LIFR: variants seen among roughly 807,000 people sequenced by gnomAD.
The protein encoded by LIFR is leukemia inhibitory factor receptor.
LIFR carries 84 observed loss-of-function variants against 122.2 expected under a neutral mutation model. The observed-to-expected ratio is 0.69, with a 90% confidence interval of 0.58 to 0.82. LIFR has a LOEUF of 0.82. Ranked by LOEUF, LIFR falls within the 40% of genes least tolerant of loss-of-function variation. The probability of loss-of-function intolerance (pLI) is 0.00; values close to 1 mark genes in which losing one functional copy is unlikely to be tolerated. For synonymous variants in LIFR, 422 were observed against 434.7 expected (o/e 0.97, Z 0.36); for missense variants, 1,294 against 1,311.6 (o/e 0.99, Z 0.21).
intron 8 of LIFR, 133 bp downstream of exon 8, chr5:38,506,370 G>T: frequency 9.5e-7 from 1 of 1,053,218 alleles, no homozygotes; most frequent in Non-Finnish European, 1.5e-6. Flanking sequence ...GCTTATAAGT[G>T]TAATTTTATA....
At chr5:38,571,529 C>CAAAAA (rs11297745) in intron 1 of LIFR, among the ~76,000 whole-genome samples, 3 of 74,694 alleles carry the variant, frequency 4.0e-5, no homozygotes, top group African/African-American at 5.5e-5. Context: ...CATTCCAGCT[C>CAAAAA]AAAAAAAAAA....
At chr5:38,542,706 A>T (rs560087306) in intron 1 of LIFR, among the ~76,000 whole-genome samples, 5 of 152,026 alleles carry the variant, frequency 3.3e-5, no homozygotes, top group Non-Finnish European at 5.9e-5. Flanking sequence ...GTTCCACCAA[A>T]TGTGTAAACA....
chr5:38,495,426 C>T (rs1192899486), intron 13 of LIFR, among the ~76,000 whole-genome samples: 1 of 152,236 alleles, frequency 6.6e-6, no homozygotes, highest in Non-Finnish European at 1.5e-5. Flanking sequence ...GCACCTGCCA[C>T]AACCCCTGTG....
chr5:38,574,613 A>G (rs1322865344), intron 1 of LIFR, among the ~76,000 whole-genome samples: 1 of 152,174 alleles, frequency 6.6e-6, no homozygotes, highest in Non-Finnish European at 1.5e-5. Context: ...CAAGTGACAC[A>G]CCTCAGTTAC....
chr5:38,602,011 T>A (rs921281875), intron 2 of LIFR, among the ~76,000 whole-genome samples: 16 of 152,226 alleles, frequency 1.1e-4, no homozygotes, highest in Non-Finnish European at 1.9e-4. Flanking sequence ...GTGAGTCAAT[T>A]TGCCTCTTAA....
intron 11 of LIFR, among the ~76,000 whole-genome samples, 187 bp from the exon 12 acceptor site, chr5:38,499,770 C>T (rs1042267855): frequency 6.6e-6 from 1 of 152,120 alleles, no homozygotes; most frequent in Non-Finnish European, 1.5e-5. Flanking sequence ...ACGGCCCCCT[C>T]GAATGGGTGA....
intron 17 of LIFR, chr5:38,485,611 C>T (rs1363332400): frequency 5.0e-6 from 3 of 605,742 alleles, no homozygotes; most frequent in Non-Finnish European, 8.8e-6. Context: ...TTCTTAGGTA[C>T]TCATTTGGAA....
intron 1 of LIFR, among the ~76,000 whole-genome samples, chr5:38,549,314 G>T (rs1748070464): frequency 6.7e-6 from 1 of 149,646 alleles, no homozygotes; most frequent in Non-Finnish European, 1.5e-5. Flanking sequence ...AAGGATCAAC[G>T]TACCCATATG....
chr5:38,575,945 A>T (rs866522293), intron 1 of LIFR, among the ~76,000 whole-genome samples: 1 of 152,124 alleles, frequency 6.6e-6, no homozygotes, highest in Non-Finnish European at 1.5e-5. Context: ...TCTTTCTAGG[A>T]TTTATTCCTG....
chr5:38,551,300 T>C (rs1025955898), intron 1 of LIFR, among the ~76,000 whole-genome samples: 2 of 152,192 alleles, frequency 1.3e-5, no homozygotes, highest in Admixed American at 1.3e-4. Context: ...TAGTGCTTAC[T>C]GTGGCACTCG....
upstream of LIFR, among the ~76,000 whole-genome samples, chr5:38,559,345 C>T (rs1338928881): frequency 6.6e-6 from 1 of 152,172 alleles, no homozygotes; most frequent in Admixed American, 6.5e-5. Flanking sequence ...TTTGACCAGG[C>T]CATAACCCAG....
intron 1 of LIFR, among the ~76,000 whole-genome samples, chr5:38,544,581 C>A (rs911198710): frequency 7.2e-5 from 11 of 152,174 alleles, no homozygotes; most frequent in African/African-American, 9.7e-5. Flanking sequence ...CCTCCCTCCC[C>A]CAAATCCCGC....
chr5:38,476,522 CTTT>C lies in LIFR; in HGVS notation c.*5070_*5072del. ...CAACACATAGGATCTATGTTGTTAG[CTTT>C]TTTTTTTTTAAAGTTCTGATTGGCT... is the stretch of plus-strand genomic sequence containing the variant. On this transcript the variant is annotated 3_prime_UTR_variant, in exon 20 of 20. Transcript: ENST00000453190. 5.3e-6 allele frequency: 1 copy of C among 189,308 alleles called. No individual in the cohort carries two copies. Among genetic ancestry groups the C allele is most frequent in the East Asian group, 8.5e-5 (1 of 11,780 alleles). The allele number at this position is 189,308 out of a possible 1,614,324, so 11.7% of individuals were successfully genotyped here.
In LIFR at chr5:38,480,269, T is replaced by G. The variant is rs1561124850; in HGVS notation, c.*1326A>C. On this transcript the variant is annotated 3_prime_UTR_variant, in exon 20 of 20. Coordinates refer to ENST00000453190, the MANE Select transcript of LIFR (RefSeq NM_001127671.2). ...CAAGATACACTTTTTAGTTTTTCCT[T>G]CTGCTTTTCCAAGAACCACAATCAC... is the stretch of plus-strand genomic sequence containing the variant. The G allele has an allele frequency of 4.4e-6, 1 of 227,302 alleles. No homozygotes were observed. Among genetic ancestry groups the G allele is most frequent in the Non-Finnish European group, 8.7e-6 (1 of 114,308 alleles). The allele number at this position is 227,302 out of a possible 1,614,324, so 14.1% of individuals were successfully genotyped here.
In LIFR at chr5:38,530,550, A is replaced by C. The variant is rs1198284294; in HGVS notation, c.98T>G (p.Phe33Cys). The C allele has an allele frequency of 1.9e-6, 3 of 1,612,994 alleles. No homozygotes were observed. Among genetic ancestry groups the C allele is most frequent in the Admixed American group, 3.3e-5 (2 of 59,994 alleles). The change falls in exon 2 of 20, where the codon TTT (phenylalanine) becomes TGT (cysteine). Residue 33 changes from phenylalanine (F) to cysteine (C), a missense_variant. By Grantham distance (205) the Phe-to-Cys change is radical (BLOSUM62 -2). Transcript: ENST00000453190. The part of the protein sequence containing the change: ...ASNFQWLLST[F>C]ILLYLMNQVN... ...TTGATTCATTAGATATAGAAGAATA[A>C]ATGTTGATAACAGCCACTGGAAATT...
chr5:38,504,515 G>A (rs866387727), intron 9 of LIFR, among the ~76,000 whole-genome samples: 1 of 152,082 alleles, frequency 6.6e-6, no homozygotes, highest in Middle Eastern at 3.4e-3. Context: ...CTATGTAAAT[G>A]TAAGCATGGT....
intron 1 of LIFR, among the ~76,000 whole-genome samples, chr5:38,571,338 A>T (rs1580210054): frequency 6.6e-6 from 1 of 152,016 alleles, no homozygotes; most frequent in Non-Finnish European, 1.5e-5. Context: ...GATCACTTGA[A>T]GTCAGGAGTT....
upstream of LIFR, among the ~76,000 whole-genome samples, chr5:38,600,380 G>T (rs955708471): frequency 1.4e-4 from 22 of 152,242 alleles, no homozygotes; most frequent in African/African-American, 5.3e-4. Context: ...ACTCTACAGA[G>T]TTTGACTCTT....
intron 1 of LIFR, among the ~76,000 whole-genome samples, chr5:38,535,786 T>C (rs1233644897): frequency 6.6e-6 from 1 of 152,194 alleles, no homozygotes; most frequent in Non-Finnish European, 1.5e-5. Flanking sequence ...CAAATTATTA[T>C]ATGCCCACAC....
Sources: allele counts gnomAD v4.1 joint callset (sites outside exome capture counted in the v4.1 genomes callset), GRCh38; gene constraint gnomAD v4.1.1; transcripts MANE v1.5; gene names NCBI Gene and HGNC (gene_info 2026-07-23, HGNC 2026-07-21).